MCU: variants seen among roughly 807,000 people sequenced by gnomAD.
MCU encodes calcium uniporter protein, mitochondrial.
A neutral mutation model predicts 45.2 loss-of-function variants in MCU; 12 were observed. That is an observed-to-expected ratio of 0.27 (90% CI 0.17 to 0.43). The LOEUF is 0.43. Ranked by LOEUF, MCU falls within the 20% of genes least tolerant of loss-of-function variation. The probability of loss-of-function intolerance (pLI) is 1.00; values close to 1 mark genes in which losing one functional copy is unlikely to be tolerated. For synonymous variants in MCU, 160 were observed against 165.1 expected (o/e 0.97, Z 0.24); for missense variants, 324 against 436.7 (o/e 0.74, Z 2.30).
chr10:72,773,347 T>C (rs1293825852), intron 1 of MCU, among the ~76,000 whole-genome samples: 1 of 150,344 alleles, frequency 6.7e-6, no homozygotes, highest in East Asian at 1.9e-4. Flanking sequence ...TTTGCTTAAC[T>C]GAAAAAACTC....
intron 1 of MCU, among the ~76,000 whole-genome samples, chr10:72,710,394 A>C (rs1005381089): frequency 2.6e-5 from 4 of 152,248 alleles, no homozygotes; most frequent in Non-Finnish European, 5.9e-5. Flanking sequence ...AAGTAGAGAC[A>C]ATCTGAGACC....
At chr10:72,855,403 C>A (rs192820553) in intron 2 of MCU, among the ~76,000 whole-genome samples, 2 of 151,772 alleles carry the variant, frequency 1.3e-5, no homozygotes, top group East Asian at 3.9e-4. Flanking sequence ...CATAGTGAGA[C>A]CCTGTCTCTA....
At chr10:72,807,147 G>T (rs1328404626) in intron 1 of MCU, among the ~76,000 whole-genome samples, 1 of 152,070 alleles carries the variant, frequency 6.6e-6, no homozygotes, top group Admixed American at 6.6e-5. Flanking sequence ...CATTTATTAT[G>T]TGGAAATTTA....
rs563432885 is a variant in MCU, at chr10:72,726,272, T to TGG, written c.150+33972_150+33973insGG. 7.3e-3 allele frequency among the ~76,000 whole-genome samples: 1,106 copies of TGG among 151,128 alleles called. 11 individuals are homozygous for TGG. Among genetic ancestry groups the TGG allele is most frequent in the Non-Finnish European group, 0.012 (815 of 67,726 alleles). ...ACACACACACGTGTGTGTGTGTGTG[T>TGG]GTGTGTGTGTGTGTAGTTCGTTCTG... On this transcript the variant is annotated intron_variant, in intron 1 of 7. Transcript: ENST00000373053.
intron 1 of MCU, among the ~76,000 whole-genome samples, chr10:72,831,972 T>C (rs1040778223): frequency 1.3e-5 from 2 of 152,190 alleles, no homozygotes; most frequent in Admixed American, 6.6e-5. Flanking sequence ...ACTTTGACTT[T>C]TACTCTGAAG....
intron 1 of MCU, among the ~76,000 whole-genome samples, chr10:72,795,663 T>C (rs998462679): frequency 2.6e-5 from 4 of 152,156 alleles, no homozygotes; most frequent in African/African-American, 4.8e-5. Flanking sequence ...GCATCTATTA[T>C]GTGGTGTCTG....
intron 2 of MCU, among the ~76,000 whole-genome samples, chr10:72,849,005 G>A (rs1050962199): frequency 8.6e-5 from 13 of 152,032 alleles, no homozygotes; most frequent in Non-Finnish European, 1.8e-4. Context: ...AAAGGGCCGG[G>A]GTTGGTGGCT....
chr10:72,714,785 C>T (rs1278708952), intron 1 of MCU, among the ~76,000 whole-genome samples: 1 of 150,524 alleles, frequency 6.6e-6, no homozygotes, highest in Non-Finnish European at 1.5e-5. Context: ...TTCAGGTGAT[C>T]TGCCCCCCCC....
At chr10:72,787,121 A>G (rs948599189) in intron 1 of MCU, among the ~76,000 whole-genome samples, 1 of 152,214 alleles carries the variant, frequency 6.6e-6, no homozygotes, top group African/African-American at 2.4e-5. Context: ...TTGAAAGACA[A>G]ATCTGCTGCA....
At chr10:72,839,797 C>CAA (rs758036618) in intron 2 of MCU, among the ~76,000 whole-genome samples, 4 of 96,384 alleles carry the variant, frequency 4.2e-5, no homozygotes, top group Non-Finnish European at 8.9e-5. Flanking sequence ...ACTAAGAATA[C>CAA]AAAAAAAAAA....
At chr10:72,738,928 T>G (rs1431832550) in intron 1 of MCU, among the ~76,000 whole-genome samples, 3 of 151,930 alleles carry the variant, frequency 2.0e-5, no homozygotes, top group Admixed American at 6.6e-5. Context: ...AAATGCTCGG[T>G]TTTTTTTAAG....
chr10:72,761,443 G>C (rs1357136182), intron 1 of MCU, among the ~76,000 whole-genome samples: 3 of 152,092 alleles, frequency 2.0e-5, no homozygotes, highest in Non-Finnish European at 4.4e-5. Flanking sequence ...CAAAGAAAAC[G>C]AAGTTATCTT....
At chr10:72,857,375 G>T (rs1845310041) in intron 2 of MCU, among the ~76,000 whole-genome samples, 1 of 151,986 alleles carries the variant, frequency 6.6e-6, no homozygotes, top group African/African-American at 2.4e-5. Flanking sequence ...GAGTAGCTGG[G>T]ACTACAAGCG....
At chr10:72,793,391 G>GT (rs1448404992) in intron 1 of MCU, among the ~76,000 whole-genome samples, 1 of 152,112 alleles carries the variant, frequency 6.6e-6, no homozygotes, top group African/African-American at 2.4e-5. Flanking sequence ...AAGCCCAGTA[G>GT]TTTCGGACCA....
At chr10:72,734,767 C>T (rs1001458489) in intron 1 of MCU, among the ~76,000 whole-genome samples, 3 of 151,938 alleles carry the variant, frequency 2.0e-5, no homozygotes, top group Admixed American at 2.0e-4. Context: ...GCGTGTGACA[C>T]CATGCCTAGC....
chr10:72,714,830 G>A (rs1264445443), intron 1 of MCU, among the ~76,000 whole-genome samples: 1 of 152,214 alleles, frequency 6.6e-6, no homozygotes, highest in African/African-American at 2.4e-5. Context: ...ACAGGCGTGA[G>A]CCACTGCGCC....
chr10:72,743,412 C>A (rs1052527821), intron 1 of MCU, among the ~76,000 whole-genome samples: 364 of 74,338 alleles, frequency 4.9e-3, no homozygotes, highest in African/African-American at 9.8e-3. Flanking sequence ...TACTCCATCT[C>A]AAAAAAAAAA....
At chr10:72,819,913 G>A (rs1010863575) in intron 1 of MCU, among the ~76,000 whole-genome samples, 1 of 151,942 alleles carries the variant, frequency 6.6e-6, no homozygotes, top group Non-Finnish European at 1.5e-5. Context: ...AATATAGTGA[G>A]ATACTTGTTA....
At chr10:72,709,838 G>A (rs1842867756) in intron 1 of MCU, among the ~76,000 whole-genome samples, 1 of 152,096 alleles carries the variant, frequency 6.6e-6, no homozygotes, top group South Asian at 2.1e-4. Flanking sequence ...TTTACTTAAT[G>A]GACAGCTGAA....
Sources: allele counts gnomAD v4.1 joint callset (sites outside exome capture counted in the v4.1 genomes callset), GRCh38; gene constraint gnomAD v4.1.1; transcripts MANE v1.5; gene names NCBI Gene and HGNC (gene_info 2026-07-23, HGNC 2026-07-21).